PDE11A: variants seen among roughly 807,000 people sequenced by gnomAD.
PDE11A encodes phosphodiesterase 11A, also known as dual 3',5'-cyclic-AMP and -GMP phosphodiesterase 11A.
In PDE11A, 100 loss-of-function variants were observed where a neutral mutation model predicts 100.5. That is an observed-to-expected ratio of 1.00 (90% confidence interval 0.85 to 1.18). The LOEUF (loss-of-function observed/expected upper bound fraction) is 1.18, where lower values mean the gene tolerates loss of function less well. Ranked by LOEUF, PDE11A falls within the 50% of genes most tolerant of loss-of-function variation. PDE11A has a pLI of 0.00. For missense variants in PDE11A, 1,141 were observed against 1,152.6 expected, an observed-to-expected ratio of 0.99 and a Z score of 0.15; for synonymous variants, 381 against 420.8, an observed-to-expected ratio of 0.91 and a Z score of 1.16.
chr2:177,823,761 C>A (rs2083182286), intron 6 of PDE11A, among the ~76,000 whole-genome samples: 1 of 152,162 alleles, frequency 6.6e-6, no homozygotes, highest in African/African-American at 2.4e-5. Context: ...CAGACTTAGG[C>A]TAGCCACAGC....
intron 2 of PDE11A, among the ~76,000 whole-genome samples, chr2:177,953,840 G>T (rs571111604): frequency 3.3e-5 from 5 of 152,222 alleles, no homozygotes; most frequent in Admixed American, 3.3e-4. Flanking sequence ...TAAGTGCCCA[G>T]ATTGCCAGAG....
intron 4 of PDE11A, among the ~76,000 whole-genome samples, chr2:177,881,619 T>C (rs79507940): frequency 0.011 from 1,727 of 152,332 alleles, 26 homozygotes; most frequent in East Asian, 0.075. Flanking sequence ...TCTGGAGATG[T>C]AAATTCATCT....
At chr2:177,703,531 AATTCTATTAGTATC>A (rs2081232339) in intron 13 of PDE11A, among the ~76,000 whole-genome samples, 1 of 152,202 alleles carries the variant, frequency 6.6e-6, no homozygotes, top group Non-Finnish European at 1.5e-5. Context: ...TCTAATTCAG[AATTCTATTAGTATC>A]ATTGCTAACC....
intron 9 of PDE11A, among the ~76,000 whole-genome samples, chr2:177,810,121 G>C (rs1307508640): frequency 6.6e-6 from 1 of 152,180 alleles, no homozygotes; most frequent in Non-Finnish European, 1.5e-5. Context: ...TATGAAGGAG[G>C]AAGGGAATAC....
chr2:177,979,087 A>G (rs1437844553), intron 2 of PDE11A, among the ~76,000 whole-genome samples: 1 of 141,052 alleles, frequency 7.1e-6, no homozygotes, highest in South Asian at 2.2e-4. Flanking sequence ...TAAAAAAAAA[A>G]AAAAAAAGAA....
intron 5 of PDE11A, among the ~76,000 whole-genome samples, chr2:177,869,442 T>C (rs576986254): frequency 3.9e-5 from 6 of 152,326 alleles, no homozygotes; most frequent in African/African-American, 1.2e-4. Context: ...ACCAGCAACA[T>C]TTGTTGAATC....
chr2:177,800,638 AC>A (rs1347965720), intron 9 of PDE11A, among the ~76,000 whole-genome samples: 2 of 152,308 alleles, frequency 1.3e-5, no homozygotes, highest in East Asian at 3.9e-4. Context: ...CTACATGCCT[AC>A]TGTGTGCTGC....
At chr2:177,994,592 CAAG>C (rs2086047190) in intron 2 of PDE11A, among the ~76,000 whole-genome samples, 1 of 152,182 alleles carries the variant, frequency 6.6e-6, no homozygotes, top group Non-Finnish European at 1.5e-5. Context: ...GATGTAATTT[CAAG>C]AAGGAGAATG....
intron 9 of PDE11A, among the ~76,000 whole-genome samples, chr2:177,785,816 C>T (rs62183051): frequency 0.15 from 22,652 of 152,118 alleles, 2,001 homozygotes; most frequent in East Asian, 0.32. Context: ...AACTGCAAGG[C>T]GGCAGCGAGG....
At chr2:177,774,988 G>A (rs984295574) in intron 9 of PDE11A, among the ~76,000 whole-genome samples, 2 of 152,160 alleles carry the variant, frequency 1.3e-5, no homozygotes, top group Admixed American at 1.3e-4. Flanking sequence ...GTGAAAGAAG[G>A]AGACAGGAGA....
At chr2:177,722,576 G>A (rs1274559867) in intron 12 of PDE11A, among the ~76,000 whole-genome samples, 13 of 152,170 alleles carry the variant, frequency 8.5e-5, no homozygotes, top group Admixed American at 8.5e-4. Context: ...TGCAGTCAGA[G>A]AGAAGAAAAA....
At chr2:177,644,136 G>A (rs2080185801) in intron 19 of PDE11A, among the ~76,000 whole-genome samples, 1 of 152,242 alleles carries the variant, frequency 6.6e-6, no homozygotes, top group Non-Finnish European at 1.5e-5. Flanking sequence ...GCCTAGTGGA[G>A]CTGTGAGAAG....
intron 19 of PDE11A, among the ~76,000 whole-genome samples, chr2:177,640,675 AC>A (rs1453839351): frequency 6.6e-6 from 1 of 152,128 alleles, no homozygotes; most frequent in African/African-American, 2.4e-5. Flanking sequence ...TACATGCCAC[AC>A]CTCAGTGCTG....
At chr2:177,918,393 T>C (rs2084985928) in intron 2 of PDE11A, among the ~76,000 whole-genome samples, 2 of 152,258 alleles carry the variant, frequency 1.3e-5, no homozygotes, top group Admixed American at 6.5e-5. Flanking sequence ...GCTATTTATT[T>C]TGAGGGCTCA....
chr2:178,098,421 T>C (rs2087521233), intron 2 of PDE11A, among the ~76,000 whole-genome samples: 1 of 152,204 alleles, frequency 6.6e-6, no homozygotes, highest in Middle Eastern at 3.2e-3. Flanking sequence ...GGGGTGTAAA[T>C]GATATATGGC....
chr2:177,950,434 G>A (rs1411856376), intron 2 of PDE11A, among the ~76,000 whole-genome samples: 1 of 152,082 alleles, frequency 6.6e-6, no homozygotes, highest in East Asian at 1.9e-4. Context: ...CTCAAAGTCT[G>A]GTATCTGGTC....
intron 2 of PDE11A, among the ~76,000 whole-genome samples, chr2:177,941,926 C>T (rs1178493537): frequency 6.6e-6 from 1 of 152,148 alleles, no homozygotes; most frequent in South Asian, 2.1e-4. Flanking sequence ...CCTTAAATAT[C>T]ATCTAGTCCA....
intron 19 of PDE11A, among the ~76,000 whole-genome samples, chr2:177,643,968 G>A (rs1410279001): frequency 6.6e-6 from 1 of 152,250 alleles, no homozygotes; most frequent in Admixed American, 6.5e-5. Flanking sequence ...ATTGAGGTTT[G>A]GGAATCTCTG....
At chr2:177,738,372 T>C (rs1483055322) in intron 10 of PDE11A, among the ~76,000 whole-genome samples, 1 of 152,122 alleles carries the variant, frequency 6.6e-6, no homozygotes, top group African/African-American at 2.4e-5. Flanking sequence ...TTTCTATGTC[T>C]TAGTAGCAGG....
Sources: allele counts gnomAD v4.1 joint callset (sites outside exome capture counted in the v4.1 genomes callset), GRCh38; gene constraint gnomAD v4.1.1; transcripts MANE v1.5; gene names NCBI Gene and HGNC (gene_info 2026-07-23, HGNC 2026-07-21).